Variants in PRKG1 observed in about 807,000 individuals in gnomAD.
The protein encoded by PRKG1 is cGMP-dependent protein kinase 1.
Under a neutral mutation model 88.1 loss-of-function variants are expected in PRKG1, and 35 were observed. The observed-to-expected ratio is 0.40, with a 90% CI of 0.30 to 0.53. The LOEUF is 0.53. PRKG1 is among the 20% of genes least tolerant of loss of function. PRKG1 has a pLI of 0.59. For missense variants in PRKG1, 540 were observed against 839.8 expected, an observed-to-expected ratio of 0.64 and a Z score of 4.41; for synonymous variants, 303 against 292.5, an observed-to-expected ratio of 1.04 and a Z score of -0.37.
At chr10:51,104,800 G>A (rs1294177505) in intron 1 of PRKG1, among the ~76,000 whole-genome samples, 1 of 151,574 alleles carries the variant, frequency 6.6e-6, no homozygotes, top group African/African-American at 2.4e-5. Context: ...CACAATCTCG[G>A]CTTACTGCAA....
intron 5 of PRKG1, among the ~76,000 whole-genome samples, chr10:51,991,783 A>T (rs969039414): frequency 1.3e-5 from 2 of 152,146 alleles, no homozygotes; most frequent in Non-Finnish European, 2.9e-5. Context: ...TCTATCATTG[A>T]TGGACATTTG....
chr10:52,249,251 G>C (rs960461395), intron 9 of PRKG1, among the ~76,000 whole-genome samples: 7 of 151,268 alleles, frequency 4.6e-5, no homozygotes, highest in South Asian at 2.1e-4. Flanking sequence ...CTCATCCTCA[G>C]ACTCACTGGA....
intron 5 of PRKG1, among the ~76,000 whole-genome samples, chr10:52,017,773 CG>C (rs1564431599): frequency 2.0e-5 from 3 of 151,986 alleles, no homozygotes; most frequent in African/African-American, 7.3e-5. Context: ...AGATGTTTCC[CG>C]GGATTCTAGA....
chr10:51,801,046 A>T (rs76668042), intron 3 of PRKG1, among the ~76,000 whole-genome samples: 3,551 of 152,162 alleles, frequency 0.023, 125 homozygotes, highest in African/African-American at 0.08. Context: ...CCCCATGGAA[A>T]GTATGTGTTG....
At chr10:51,130,190 T>C (rs1312956129) in intron 1 of PRKG1, among the ~76,000 whole-genome samples, 1 of 152,186 alleles carries the variant, frequency 6.6e-6, no homozygotes, top group African/African-American at 2.4e-5. Flanking sequence ...ATCATCTTAA[T>C]AAACCTCTTC....
intron 3 of PRKG1, chr10:51,698,395 T>C (rs758199123): frequency 6.2e-7 from 1 of 1,614,044 alleles, no homozygotes; most frequent in Admixed American, 1.7e-5. Flanking sequence ...TGGGATCTCC[T>C]AATGGCCCTC....
intron 2 of PRKG1, among the ~76,000 whole-genome samples, chr10:51,369,216 A>C (rs1185198684): frequency 6.6e-6 from 1 of 152,110 alleles, no homozygotes; most frequent in East Asian, 1.9e-4. Context: ...TTCTATAAGA[A>C]GAATACCATA....
chr10:52,231,617 C>T (rs1404126811), intron 9 of PRKG1, among the ~76,000 whole-genome samples: 3 of 152,022 alleles, frequency 2.0e-5, no homozygotes, highest in African/African-American at 7.2e-5. Context: ...CCTTATATTA[C>T]CTAAGAAAGG....
chr10:52,133,997 A>G, intron 8 of PRKG1, 92 bp downstream of exon 8: 2 of 943,326 alleles, frequency 2.1e-6, no homozygotes, highest in Non-Finnish European at 3.3e-6. Context: ...GGAGCTATTA[A>G]TACTTGTTTT....
At chr10:51,829,180 T>C (rs1170722884) in intron 4 of PRKG1, among the ~76,000 whole-genome samples, 4 of 152,244 alleles carry the variant, frequency 2.6e-5, no homozygotes, top group African/African-American at 9.6e-5. Context: ...CATTACAATA[T>C]GGCAGTTGGC....
chr10:52,096,719 A>G (rs1161387238), intron 7 of PRKG1, among the ~76,000 whole-genome samples: 1 of 152,142 alleles, frequency 6.6e-6, no homozygotes, highest in Non-Finnish European at 1.5e-5. Context: ...TTGTACATCT[A>G]TGCACGCAGA....
intron 2 of PRKG1, among the ~76,000 whole-genome samples, chr10:51,241,204 T>G (rs1458941000): frequency 6.6e-6 from 1 of 151,984 alleles, no homozygotes; most frequent in Admixed American, 6.6e-5. Context: ...GTCAGAATGA[T>G]GTTGTTCATT....
intron 1 of PRKG1, among the ~76,000 whole-genome samples, chr10:51,075,512 A>G (rs1325921304): frequency 6.6e-6 from 1 of 152,226 alleles, no homozygotes; most frequent in Non-Finnish European, 1.5e-5. Context: ...TAAATGGAAG[A>G]CTAGTCTGTT....
chr10:51,955,763 A>T (rs1843288165), intron 5 of PRKG1, among the ~76,000 whole-genome samples: 1 of 152,168 alleles, frequency 6.6e-6, no homozygotes, highest in African/African-American at 2.4e-5. Flanking sequence ...GTTGGAATTT[A>T]TGTATAATTT....
intron 3 of PRKG1, among the ~76,000 whole-genome samples, chr10:51,746,657 A>C (rs1837587085): frequency 6.6e-6 from 1 of 151,898 alleles, no homozygotes. Flanking sequence ...CAGGAGGTGG[A>C]GGTTGCAATG....
intron 7 of PRKG1, among the ~76,000 whole-genome samples, chr10:52,081,251 T>G (rs1310251046): frequency 6.6e-6 from 1 of 152,226 alleles, no homozygotes; most frequent in African/African-American, 2.4e-5. Context: ...CACGCATGTC[T>G]GGATTTGAAT....
chr10:52,076,994 A>T (rs963080229), intron 7 of PRKG1, among the ~76,000 whole-genome samples: 2 of 151,548 alleles, frequency 1.3e-5, no homozygotes, highest in South Asian at 4.2e-4. Flanking sequence ...ACAGTTTGGC[A>T]GTTTTTTTTT....
intron 3 of PRKG1, among the ~76,000 whole-genome samples, chr10:51,511,840 A>G (rs1841422173): frequency 6.6e-6 from 1 of 152,230 alleles, no homozygotes; most frequent in Admixed American, 6.5e-5. Context: ...GAATATTCAA[A>G]GCATATCTGT....
intron 3 of PRKG1, among the ~76,000 whole-genome samples, chr10:51,470,404 A>G (rs762526139): frequency 3.3e-5 from 5 of 151,830 alleles, no homozygotes; most frequent in Non-Finnish European, 7.4e-5. Flanking sequence ...TGACCTATCC[A>G]TGCTTCTTCT....
Sources: allele counts gnomAD v4.1 joint callset (sites outside exome capture counted in the v4.1 genomes callset), GRCh38; gene constraint gnomAD v4.1.1; transcripts MANE v1.5; gene names NCBI Gene and HGNC (gene_info 2026-07-23, HGNC 2026-07-21).